Variants in ACSS3 observed in about 807,000 individuals in gnomAD.
ACSS3 encodes acyl-CoA synthetase short chain family member 3.
In ACSS3, 64 loss-of-function variants were observed where a neutral mutation model predicts 84.2. The observed-to-expected ratio is 0.76, with a 90% CI of 0.62 to 0.94. The LOEUF (loss-of-function observed/expected upper bound fraction) is 0.94, where lower values mean the gene tolerates loss of function less well. ACSS3 is among the 40% of genes least tolerant of loss of function. The pLI, the probability that ACSS3 is intolerant of heterozygous loss-of-function variation, is 0.00. For synonymous variants in ACSS3, 317 were observed against 310.1 expected (o/e 1.02, Z -0.23); for missense variants, 815 against 867.6 (o/e 0.94, Z 0.76).
At chr12:81,125,213 C>CA (rs534890795) in intron 2 of ACSS3, among the ~76,000 whole-genome samples, 6,976 of 149,358 alleles carry the variant, frequency 0.047, 411 homozygotes, top group African/African-American at 0.14. Context: ...GACTTCGTCT[C>CA]AAAAAAAAAA....
chr12:81,109,515 AT>A lies in ACSS3; in HGVS notation c.312-40del, dbSNP rs759411770. On this transcript the variant is annotated intron_variant, in intron 1 of 15. Coordinates refer to ENST00000548058, the MANE Select transcript of ACSS3 (RefSeq NM_024560.4). ...TAATAACTTCATTAAGTGACAATAT[AT>A]TTTTAAAGCCATCATTCACCTTTAC... 7.6e-6 allele frequency: 12 copies of A among 1,579,152 alleles called. No homozygotes were observed. The East Asian group carries it at 2.2e-4, about 30-fold the overall frequency.
At chr12:81,165,276 T>G (rs1471512498) in intron 7 of ACSS3, among the ~76,000 whole-genome samples, 1 of 152,164 alleles carries the variant, frequency 6.6e-6, no homozygotes, top group African/African-American at 2.4e-5. Flanking sequence ...TAGAAGGTGA[T>G]GGGGAAGCAG....
rs565836169 is a variant in ACSS3 at position 81,185,658 on chromosome 12, G to A, written c.1250+10719G>A. Among the ~76,000 whole-genome samples, 36 of 151,454 alleles carry A rather than the reference G, an allele frequency of 2.4e-4. 1 individual carries two copies. The highest frequency in any genetic ancestry group is 7.3e-4 in the Admixed American group (11 of 15,170). Reference sequence around the variant, plus strand: ...AGGAGGTGGAAAACTATATTGGTACGGTAAAACTTTACATTAAAACTATAA... The same window carrying A: ...AGGAGGTGGAAAACTATATTGGTACAGTAAAACTTTACATTAAAACTATAA... On this transcript the variant is annotated intron_variant, in intron 8 of 15. Coordinates refer to ENST00000548058, the MANE Select transcript of ACSS3 (RefSeq NM_024560.4).
chr12:81,108,785 C>T (rs992350041), intron 1 of ACSS3, among the ~76,000 whole-genome samples: 2 of 152,130 alleles, frequency 1.3e-5, no homozygotes, highest in African/African-American at 4.8e-5. Flanking sequence ...TGGACCATTA[C>T]TGTACTTGCA....
At chr12:81,224,286 GA>G (rs1372392351) in intron 11 of ACSS3, among the ~76,000 whole-genome samples, 1 of 151,602 alleles carries the variant, frequency 6.6e-6, no homozygotes, top group Non-Finnish European at 1.5e-5. Context: ...TATAACTACA[GA>G]AAAAAATATT....
intron 2 of ACSS3, chr12:81,117,863 T>A (rs1283421911): frequency 6.6e-6 from 1 of 152,142 alleles, no homozygotes; most frequent in Non-Finnish European, 1.5e-5. Context: ...GTTTGTGCCG[T>A]GAGATTCTGG....
intron 9 of ACSS3, among the ~76,000 whole-genome samples, chr12:81,204,258 C>A (rs924264056): frequency 3.3e-5 from 5 of 151,630 alleles, no homozygotes; most frequent in African/African-American, 1.2e-4. Flanking sequence ...CACAGTAGAT[C>A]TACTTTTTTC....
rs1457693031 is a variant in ACSS3, at chr12:81,213,746, G to A, written c.1355-3155G>A. Among the ~76,000 whole-genome samples, 38 of 83,846 alleles carry A rather than the reference G, an allele frequency of 4.5e-4. 2 individuals are homozygous for A. The highest frequency in any genetic ancestry group is 8.6e-4 in the Non-Finnish European group (36 of 42,094). The allele number at this position is 83,846 out of a possible 152,430, so 55.0% of individuals were successfully genotyped here. ...CGCTCCCCTCCGCTCCCCTCCGCTC[G>A]GCTCCTCTCCTCTCCGCTCCTCTCT... On this transcript the variant is annotated intron_variant, in intron 9 of 15. Transcript: ENST00000548058.
intron 2 of ACSS3, among the ~76,000 whole-genome samples, chr12:81,116,449 A>G (rs1884054353): frequency 6.6e-6 from 1 of 152,088 alleles, no homozygotes. Flanking sequence ...TCTCAGACAG[A>G]TCTTTAGAAA....
chr12:81,183,552 G>T (rs1441204919), intron 8 of ACSS3, among the ~76,000 whole-genome samples: 7 of 151,994 alleles, frequency 4.6e-5, no homozygotes, highest in Non-Finnish European at 8.8e-5. Context: ...TCACTGAAGT[G>T]ACCCACTTAG....
chr12:81,200,772 G>T (rs541651646), intron 9 of ACSS3, among the ~76,000 whole-genome samples: 1 of 151,356 alleles, frequency 6.6e-6, no homozygotes, highest in East Asian at 1.9e-4. Flanking sequence ...GTGATGGAGC[G>T]TGCCTGTAAT....
rs2035281889 is a variant in ACSS3 at position 81,260,959 on chromosome 12, A to G, written c.*6037A>G. 6.6e-6 allele frequency: 1 copy of G among 152,086 alleles called. No homozygotes were observed. Among genetic ancestry groups the G allele is most frequent in the African/African-American group, 2.4e-5 (1 of 41,424 alleles). The allele number at this position is 152,086 out of a possible 1,614,324, so 9.4% of individuals were successfully genotyped here. A position where few individuals can be genotyped will look rare whatever the true frequency, so the allele number is the denominator to read the frequency against. ...AAGAAACCACAGTTTTACTATTAAG[A>G]CTGTTTTTCAATAAAACCTCATTTT... On this transcript the variant is annotated 3_prime_UTR_variant, in exon 16 of 16. Transcript: ENST00000548058.
intron 9 of ACSS3, among the ~76,000 whole-genome samples, chr12:81,211,396 T>G (rs1433362795): frequency 6.6e-6 from 1 of 152,196 alleles, no homozygotes; most frequent in Non-Finnish European, 1.5e-5. Context: ...TAAGGATTTT[T>G]TATAAGAACT....
At chr12:81,113,506 T>A (rs1014535092) in intron 2 of ACSS3, among the ~76,000 whole-genome samples, 2 of 152,164 alleles carry the variant, frequency 1.3e-5, no homozygotes, top group African/African-American at 4.8e-5. Flanking sequence ...TGTCTCTCTT[T>A]TTTAGTGTCA....
intron 1 of ACSS3, among the ~76,000 whole-genome samples, chr12:81,094,178 C>CTGTG (rs1565971754): frequency 5.6e-5 from 6 of 106,270 alleles, no homozygotes; most frequent in African/African-American, 2.0e-4. Flanking sequence ...CTCTCTGTCT[C>CTGTG]TCTCTCTGTG....
At chr12:81,140,065 G>T (rs970531104) in intron 4 of ACSS3, among the ~76,000 whole-genome samples, 1 of 152,170 alleles carries the variant, frequency 6.6e-6, no homozygotes, top group African/African-American at 2.4e-5. Context: ...GTCAAGATGC[G>T]AATGCATGCG....
chr12:81,169,303 G>A lies in ACSS3; in HGVS notation c.1099-5485G>A, dbSNP rs562005647. 4.6e-5 allele frequency among the ~76,000 whole-genome samples: 7 copies of A among 152,202 alleles called. No individual in the cohort carries two copies. In the South Asian group the frequency reaches 8.3e-4, roughly 18 times the overall value. On this transcript the variant is annotated intron_variant, in intron 7 of 15. Coordinates refer to ENST00000548058, the MANE Select transcript of ACSS3 (RefSeq NM_024560.4). ...GTAAATTTTCAATTATTAAAGGAGC[G>A]TCTGCCATAACACAAAGTCCTTCAT... is the stretch of plus-strand genomic sequence containing the variant.
chr12:81,098,525 T>C (rs1882254078), intron 1 of ACSS3, among the ~76,000 whole-genome samples: 1 of 152,126 alleles, frequency 6.6e-6, no homozygotes, highest in Non-Finnish European at 1.5e-5. Flanking sequence ...CAAAATCCTA[T>C]TGATGATGTT....
intron 8 of ACSS3, among the ~76,000 whole-genome samples, chr12:81,192,972 T>G (rs1178220071): frequency 2.0e-5 from 3 of 151,984 alleles, no homozygotes; most frequent in Admixed American, 6.6e-5. Flanking sequence ...AAGAGAGAGA[T>G]AGAGGGTTGT....
Sources: allele counts gnomAD v4.1 joint callset (sites outside exome capture counted in the v4.1 genomes callset), GRCh38; gene constraint gnomAD v4.1.1; transcripts MANE v1.5; gene names NCBI Gene and HGNC (gene_info 2026-07-23, HGNC 2026-07-21).